Variants in RERE observed in about 807,000 individuals in gnomAD.
RERE encodes the protein arginine-glutamic acid dipeptide repeats protein.
A neutral mutation model predicts 146.1 loss-of-function variants in RERE; 40 were observed. The observed-to-expected ratio is 0.27, with a 90% CI of 0.21 to 0.36. The LOEUF is 0.36. RERE is among the 10% of genes least tolerant of loss of function. The pLI, the probability that RERE is intolerant of heterozygous loss-of-function variation, is 1.00. For synonymous variants in RERE, 1,003 were observed against 866.0 expected, an observed-to-expected ratio of 1.16 and a Z score of -2.78; for missense variants, 1,933 against 2,138.7, an observed-to-expected ratio of 0.90 and a Z score of 1.90.
At chr1:8,809,721 A>G (rs1224434380) in intron 1 of RERE, among the ~76,000 whole-genome samples, 1 of 152,232 alleles carries the variant, frequency 6.6e-6, no homozygotes, top group African/African-American at 2.4e-5. Context: ...GTTTTTCAGA[A>G]TACATCTAAT....
chr1:8,371,450 G>A (rs181104197), intron 12 of RERE, among the ~76,000 whole-genome samples: 94 of 152,318 alleles, frequency 6.2e-4, no homozygotes, highest in African/African-American at 2.1e-3. Flanking sequence ...AGAGAGGGAA[G>A]AAGTAGTAAG....
In RERE at chr1:8,364,113, T is replaced by C; in HGVS notation, c.1683A>G (p.Glu561=). 1 of 1,614,176 alleles carries C rather than the reference T, an allele frequency of 6.2e-7. No individual in the cohort carries two copies. The highest frequency in any genetic ancestry group is 8.5e-7 in the Non-Finnish European group (1 of 1,180,022). ...GCTTCCCACTGAGCCCATCATCCTCTTCCTTGACGGGTTTGAACATAAACG... is the reference window on the plus strand; with the variant it reads ...GCTTCCCACTGAGCCCATCATCCTCCTCCTTGACGGGTTTGAACATAAACG... ...PPPFMFKPVK[E]EDDGLSGKHS... is the part of the protein sequence containing the mutation. Residue 561 remains glutamate, a synonymous_variant, in exon 15 of 23, where the codon GAA becomes GAG. Coordinates refer to ENST00000400908, the MANE Select transcript of RERE (RefSeq NM_001042681.2). The surrounding 1 kb of genome is among the most constrained non-coding windows in gnomAD (Gnocchi z 5.1).
At chr1:8,433,458 A>C (rs1230472404) in intron 11 of RERE, among the ~76,000 whole-genome samples, 1 of 152,188 alleles carries the variant, frequency 6.6e-6, no homozygotes, top group Non-Finnish European at 1.5e-5. Flanking sequence ...AGCACACACA[A>C]AAAAGACCTG....
chr1:8,585,730 T>C (rs964324008), intron 4 of RERE, among the ~76,000 whole-genome samples: 9 of 152,212 alleles, frequency 5.9e-5, no homozygotes, highest in African/African-American at 2.2e-4. Flanking sequence ...TACTCCAATG[T>C]ATTATTTGAA....
chr1:8,706,584 A>G (rs922841191), intron 1 of RERE, among the ~76,000 whole-genome samples: 2 of 152,256 alleles, frequency 1.3e-5, no homozygotes, highest in African/African-American at 4.8e-5. Flanking sequence ...TAAAACTTAG[A>G]AAGTACTTTG....
intron 4 of RERE, among the ~76,000 whole-genome samples, chr1:8,595,732 CT>C (rs2124117789): frequency 1.3e-5 from 2 of 152,098 alleles, no homozygotes; most frequent in South Asian, 4.1e-4. Context: ...CACTAGTACA[CT>C]ATACAAAAAA....
chr1:8,534,707 A>G (rs532510336), intron 7 of RERE, among the ~76,000 whole-genome samples: 42 of 117,620 alleles, frequency 3.6e-4, no homozygotes, highest in Non-Finnish European at 6.9e-4. Context: ...TTTGATGAAG[A>G]TGAGATCTAC....
chr1:8,715,848 AGCCATGATCATGCCACTG>A (rs1269641543), intron 1 of RERE, among the ~76,000 whole-genome samples: 1 of 148,120 alleles, frequency 6.8e-6, no homozygotes, highest in Non-Finnish European at 1.5e-5. Flanking sequence ...AGTTGCAGTG[AGCCATGATCATGCCACTG>A]GATTCCAGCC....
chr1:8,587,176 A>G (rs1646437107), intron 4 of RERE, among the ~76,000 whole-genome samples: 1 of 152,194 alleles, frequency 6.6e-6, no homozygotes, highest in South Asian at 2.1e-4. Flanking sequence ...CCTCTATAGA[A>G]AATTACATAG....
At chr1:8,444,575 G>T (rs1436379552) in intron 11 of RERE, among the ~76,000 whole-genome samples, 2 of 152,160 alleles carry the variant, frequency 1.3e-5, no homozygotes, top group African/African-American at 4.8e-5. Flanking sequence ...TTGAATATTT[G>T]TCTCCTCCCA....
At chr1:8,631,013 C>T (rs145648431) in intron 2 of RERE, among the ~76,000 whole-genome samples, 258 of 152,302 alleles carry the variant, frequency 1.7e-3, no homozygotes, top group African/African-American at 6.0e-3. Flanking sequence ...TCACTAAACA[C>T]AGAACACTAA....
At chr1:8,793,025 C>T (rs1009721955) in intron 1 of RERE, among the ~76,000 whole-genome samples, 20 of 151,752 alleles carry the variant, frequency 1.3e-4, no homozygotes, top group Non-Finnish European at 1.5e-4. Flanking sequence ...GGCATGGTGG[C>T]GGGCGCCTGT....
intron 6 of RERE, among the ~76,000 whole-genome samples, chr1:8,542,461 T>G (rs1219674900): frequency 6.6e-6 from 1 of 152,072 alleles, no homozygotes; most frequent in Non-Finnish European, 1.5e-5. Flanking sequence ...GGTTCATTCA[T>G]TCACTTCCTA....
chr1:8,796,353 T>C (rs1641472894), intron 1 of RERE, among the ~76,000 whole-genome samples: 1 of 152,186 alleles, frequency 6.6e-6, no homozygotes, highest in African/African-American at 2.4e-5. Context: ...ATCAGGCCAC[T>C]GACCCAAGTG....
chr1:8,667,837 T>G (rs1244339338), intron 1 of RERE, among the ~76,000 whole-genome samples: 1 of 152,230 alleles, frequency 6.6e-6, no homozygotes, highest in African/African-American at 2.4e-5. Context: ...GGAAATACAC[T>G]GCTCACTCTA....
chr1:8,725,906 C>T (rs1264962879), intron 1 of RERE, among the ~76,000 whole-genome samples: 1 of 151,846 alleles, frequency 6.6e-6, no homozygotes, highest in Non-Finnish European at 1.5e-5. Context: ...ACAAATGAGG[C>T]ATCTAATTTT....
chr1:8,730,583 TC>T (rs1350415376), intron 1 of RERE, among the ~76,000 whole-genome samples: 6 of 152,218 alleles, frequency 3.9e-5, no homozygotes, highest in African/African-American at 1.4e-4. Flanking sequence ...CCTCAGGTGA[TC>T]CACCTGCCTC....
At position 8,354,106 on chromosome 1, in the gene RERE, T is replaced by C. The variant is rs1470834130; in HGVS notation, c.*981A>G. 2 of 152,378 alleles carry C rather than the reference T, an allele frequency of 1.3e-5. No individual in the cohort carries two copies. The highest frequency in any genetic ancestry group is 2.4e-5 in the African/African-American group (1 of 41,414). The allele number at this position is 152,378 out of a possible 1,614,324, so 9.4% of individuals were successfully genotyped here. A position where few individuals can be genotyped will look rare whatever the true frequency, so the allele number is the denominator to read the frequency against. ...GTGTACACAGAAATCTAGAAGGAAATCTACAATGGACACAGGCCCATGCGC... is the reference window on the plus strand; with the variant it reads ...GTGTACACAGAAATCTAGAAGGAAACCTACAATGGACACAGGCCCATGCGC... On this transcript the variant is annotated 3_prime_UTR_variant, in exon 23 of 23. Coordinates refer to ENST00000400908, the MANE Select transcript of RERE (RefSeq NM_001042681.2).
chr1:8,605,611 T>C (rs1359693098), intron 4 of RERE, among the ~76,000 whole-genome samples: 3 of 151,684 alleles, frequency 2.0e-5, no homozygotes, highest in Non-Finnish European at 4.4e-5. Context: ...TAGCCAGGTG[T>C]GGTGGCACGT....
Sources: gnomAD v4.1 joint callset for allele counts (sites outside exome capture counted in the v4.1 genomes callset) on GRCh38, gnomAD v4.1.1 for gene constraint, Gnocchi (gnomAD v3.1) non-coding constraint, MANE v1.5 for transcripts, NCBI Gene and HGNC (gene_info 2026-07-23, HGNC 2026-07-21) for gene names.